Variants in CLIP2 observed in about 807,000 individuals in gnomAD.
CLIP2 encodes CAP-Gly domain-containing linker protein 2.
CLIP2 carries 41 observed loss-of-function variants against 111.7 expected under a neutral mutation model. The observed-to-expected ratio is 0.37, with a 90% CI of 0.29 to 0.48. CLIP2 has a LOEUF of 0.48. Ranked by LOEUF, CLIP2 falls within the 20% of genes least tolerant of loss-of-function variation. CLIP2 has a pLI of 0.99. For missense variants in CLIP2, 1,160 were observed against 1,422.1 expected (o/e 0.82, Z 2.96); for synonymous variants, 660 against 644.2 (o/e 1.02, Z -0.37).
intron 1 of CLIP2, among the ~76,000 whole-genome samples, chr7:74,300,280 C>T (rs1329689603): frequency 1.3e-5 from 2 of 152,116 alleles, no homozygotes; most frequent in African/African-American, 2.4e-5. Flanking sequence ...AGCCCCCACA[C>T]CCAGCCTCTT....
chr7:74,328,783 G>T (rs1554730940), intron 2 of CLIP2, among the ~76,000 whole-genome samples: 1 of 151,962 alleles, frequency 6.6e-6, no homozygotes, highest in Non-Finnish European at 1.5e-5. Context: ...TTTTGAGAGG[G>T]TCTCACTCTG....
In CLIP2 at chr7:74,343,269, A is replaced by C. The variant is rs566594999; in HGVS notation, c.678+4265A>C. Among the ~76,000 whole-genome samples the C allele has an allele frequency of 2.6e-5, 4 of 151,906 alleles. No homozygotes were observed. In the East Asian group the frequency reaches 7.8e-4, roughly 30 times the overall value. On this transcript the variant is annotated intron_variant, in intron 3 of 16. Coordinates refer to ENST00000223398, the MANE Select transcript of CLIP2 (RefSeq NM_003388.5). ...GGAGGCTGGACTCCTGGACCCCTGC[A>C]CCATCCTGTCCAAGGAACTTGTTTT...
At chr7:74,313,438 T>C (rs1554728767) in intron 1 of CLIP2, among the ~76,000 whole-genome samples, 1 of 151,674 alleles carries the variant, frequency 6.6e-6, no homozygotes, top group Non-Finnish European at 1.5e-5. Context: ...CAGGTGCCTG[T>C]AATCCCAGTT....
At chr7:74,319,666 T>G (rs934547924) in intron 2 of CLIP2, among the ~76,000 whole-genome samples, 3 of 151,442 alleles carry the variant, frequency 2.0e-5, no homozygotes, top group Admixed American at 1.3e-4. Flanking sequence ...AAAAAAATTT[T>G]TTTAATTAGC....
Position 74,364,729 on chromosome 7 carries a change from A to T in CLIP2, c.1380+414A>T, listed in dbSNP as rs1790427047. On this transcript the variant is annotated intron_variant, in intron 8 of 16. Coordinates refer to ENST00000223398, the MANE Select transcript of CLIP2 (RefSeq NM_003388.5). ...TTTATAGGTAGGAAAACTGAGGCTC[A>T]GAGACCAAGGGAGCTGGGTATGGTG... The T allele has an allele frequency of 8.3e-6, 3 of 359,530 alleles. No homozygotes were observed. The East Asian group carries it at 2.3e-4, about 27-fold the overall frequency. The allele number at this position is 359,530 out of a possible 1,614,324, so 22.3% of individuals were successfully genotyped here.
chr7:74,373,098 G>T (rs1790683671), intron 9 of CLIP2, 62 bp downstream of exon 9: 2 of 969,662 alleles, frequency 2.1e-6, no homozygotes, highest in South Asian at 1.4e-5. Flanking sequence ...GCCCCCTCTG[G>T]CTTCTCTGTT....
chr7:74,375,901 C>G lies in CLIP2; in HGVS notation c.1500C>G (p.Ala500=). ...TCTCCCCACAGCTGACCACAGTGGC[C>G]GAGAAGTCGCGCGTGCTGCAGCTGG... ...ELADNRLTTV[A]EKSRVLQLEE... Residue 500 remains alanine, a synonymous_variant, in exon 10 of 17, where the codon GCC becomes GCG. Coordinates refer to ENST00000223398, the MANE Select transcript of CLIP2 (RefSeq NM_003388.5). 6.4e-7 allele frequency: 1 copy of G among 1,559,528 alleles called. No individual in the cohort carries two copies. Among genetic ancestry groups the G allele is most frequent in the Non-Finnish European group, 8.7e-7 (1 of 1,153,642 alleles).
In CLIP2 at chr7:74,404,160, C is replaced by T. The variant is rs1326013996; in HGVS notation, c.*312C>T. ...GCAGAGGGGATCCGGCCAGGCCCCT[C>T]TGTCCAGAAGGAGCTGCCCTGAGGA... On this transcript the variant is annotated 3_prime_UTR_variant, in exon 17 of 17. Coordinates refer to ENST00000223398, the MANE Select transcript of CLIP2 (RefSeq NM_003388.5). 5 of 415,102 alleles carry T rather than the reference C, an allele frequency of 1.2e-5. 1 individual carries two copies. The highest frequency in any genetic ancestry group is 4.0e-5 in the African/African-American group (2 of 49,564). 25.7% of individuals were successfully genotyped at this position (415,102 alleles called of 1,614,324 possible).
chr7:74,296,306 C>T (rs1474431115), intron 1 of CLIP2, among the ~76,000 whole-genome samples: 1 of 150,928 alleles, frequency 6.6e-6, no homozygotes, highest in Non-Finnish European at 1.5e-5. Context: ...ATAAGGAGTT[C>T]AAGACCAGCC....
intron 8 of CLIP2, among the ~76,000 whole-genome samples, chr7:74,365,584 C>T (rs1790456016): frequency 6.6e-6 from 1 of 152,206 alleles, no homozygotes; most frequent in African/African-American, 2.4e-5. Flanking sequence ...CGGATCCAGC[C>T]GGCCCTGGCT....
At chr7:74,385,343 G>A (rs1217705670) in intron 11 of CLIP2, among the ~76,000 whole-genome samples, 1 of 151,478 alleles carries the variant, frequency 6.6e-6, no homozygotes, top group African/African-American at 2.4e-5. Context: ...GCACATGCCT[G>A]TGGTCTCAGC....
At chr7:74,381,027 A>C in intron 11 of CLIP2, 164 bp downstream of exon 11, 1 of 622,140 alleles carries the variant, frequency 1.6e-6, no homozygotes, top group Non-Finnish European at 2.9e-6. Flanking sequence ...AGGCCAGTTT[A>C]CGGAGGGATA....
chr7:74,344,566 A>C (rs1404393055), intron 3 of CLIP2, among the ~76,000 whole-genome samples: 3 of 151,562 alleles, frequency 2.0e-5, no homozygotes, highest in African/African-American at 7.3e-5. Flanking sequence ...AATTTTTATT[A>C]TTTATTTATT....
chr7:74,323,152 C>G (rs1789009235), intron 2 of CLIP2, among the ~76,000 whole-genome samples: 1 of 150,198 alleles, frequency 6.7e-6, no homozygotes, highest in Non-Finnish European at 1.5e-5. Flanking sequence ...GTTCTGTTGC[C>G]CAGGCTGGAG....
intron 13 of CLIP2, among the ~76,000 whole-genome samples, chr7:74,392,700 G>T (rs1211536771): frequency 6.6e-6 from 1 of 152,046 alleles, no homozygotes; most frequent in Admixed American, 6.6e-5. Flanking sequence ...GGTGAAGCAC[G>T]CCTGTAATCC....
chr7:74,344,308 A>G (rs148718317), intron 3 of CLIP2, among the ~76,000 whole-genome samples: 8 of 152,228 alleles, frequency 5.3e-5, no homozygotes, highest in Non-Finnish European at 1.0e-4. Context: ...TTAGCTTCTC[A>G]ATCTTTAAGT....
At chr7:74,361,392 T>G (rs1790329110) in intron 7 of CLIP2, among the ~76,000 whole-genome samples, 1 of 151,878 alleles carries the variant, frequency 6.6e-6, no homozygotes, top group Non-Finnish European at 1.5e-5. Flanking sequence ...AATTTTTGTA[T>G]TTTTAGTAGA....
chr7:74,365,320 C>T (rs1554310618), intron 8 of CLIP2, among the ~76,000 whole-genome samples: 3 of 152,142 alleles, frequency 2.0e-5, no homozygotes, highest in Admixed American at 2.0e-4. Flanking sequence ...AGGTCACAGC[C>T]TCCAAGGGCA....
intron 11 of CLIP2, among the ~76,000 whole-genome samples, chr7:74,386,054 T>TC (rs1791086828): frequency 6.8e-6 from 1 of 148,014 alleles, no homozygotes; most frequent in Non-Finnish European, 1.5e-5. Flanking sequence ...TTTTTTTTTT[T>TC]TTTTTCTTTT....
Sources: allele counts gnomAD v4.1 joint callset (sites outside exome capture counted in the v4.1 genomes callset), GRCh38; gene constraint gnomAD v4.1.1; transcripts MANE v1.5; gene names NCBI Gene and HGNC (gene_info 2026-07-23, HGNC 2026-07-21).